Variants in C1orf87 observed in about 807,000 individuals in gnomAD.
C1orf87 encodes the protein uncharacterized protein C1orf87.
In C1orf87, 58 loss-of-function variants were observed where a neutral mutation model predicts 60.5. The ratio of observed to expected loss-of-function variants is 0.96; its 90% CI spans 0.78 to 1.19. C1orf87 has a LOEUF of 1.19. Ranked by LOEUF, C1orf87 falls within the 50% of genes most tolerant of loss-of-function variation. The probability of loss-of-function intolerance (pLI) is 0.00; values close to 1 mark genes in which losing one functional copy is unlikely to be tolerated. For synonymous variants in C1orf87, 236 were observed against 227.4 expected (o/e 1.04, Z -0.34); for missense variants, 673 against 638.6 (o/e 1.05, Z -0.58).
intron 2 of C1orf87, among the ~76,000 whole-genome samples, chr1:60,065,237 C>G (rs1645537650): frequency 6.6e-6 from 1 of 150,654 alleles, no homozygotes; most frequent in African/African-American, 2.4e-5. Flanking sequence ...CAATATTGGG[C>G]AAACTTGAGA....
At chr1:59,991,714 T>C (rs1344012487) in intron 11 of C1orf87, among the ~76,000 whole-genome samples, 1 of 152,172 alleles carries the variant, frequency 6.6e-6, no homozygotes, top group African/African-American at 2.4e-5. Flanking sequence ...GAGGTGGTAA[T>C]GTGTATGACT....
At chr1:59,994,166 C>A (rs2100231731) in intron 11 of C1orf87, among the ~76,000 whole-genome samples, 1 of 152,044 alleles carries the variant, frequency 6.6e-6, no homozygotes, top group Non-Finnish European at 1.5e-5. Context: ...TTATTATTAT[C>A]AGTTTTACTT....
At chr1:60,010,655 C>G (rs529305237) in intron 8 of C1orf87, among the ~76,000 whole-genome samples, 199 bp from the exon 9 acceptor site, 2 of 151,856 alleles carry the variant, frequency 1.3e-5, no homozygotes, top group Non-Finnish European at 2.9e-5. Flanking sequence ...TATTGCAAAG[C>G]CATTAGAACA....
In C1orf87 at chr1:60,063,349, T is replaced by G. The variant is rs572069946; in HGVS notation, c.108-7911A>C. Among the ~76,000 whole-genome samples the G allele has an allele frequency of 1.3e-4, 20 of 152,316 alleles. No homozygotes were observed. The South Asian group carries it at 3.7e-3, about 28-fold the overall frequency. On this transcript the variant is annotated intron_variant, in intron 2 of 11. Coordinates refer to ENST00000371201, the MANE Select transcript of C1orf87 (RefSeq NM_152377.3). ...TTGTTCAGTGCTTCCATCTCCTGCC[T>G]GGATTATCATAATAACTCTCCAAAT...
chr1:60,017,649 A>C (rs1370721908), intron 8 of C1orf87, among the ~76,000 whole-genome samples: 1 of 152,230 alleles, frequency 6.6e-6, no homozygotes, highest in Non-Finnish European at 1.5e-5. Context: ...AGTCACACAG[A>C]AACATTAAAT....
intron 8 of C1orf87, among the ~76,000 whole-genome samples, chr1:60,015,160 G>A (rs1018185723): frequency 6.6e-6 from 1 of 152,144 alleles, no homozygotes; most frequent in African/African-American, 2.4e-5. Flanking sequence ...CATGGTATTA[G>A]GAGCTATGGT....
At chr1:60,032,463 A>C (rs1410261990) in intron 7 of C1orf87, among the ~76,000 whole-genome samples, 4 of 106,520 alleles carry the variant, frequency 3.8e-5, no homozygotes, top group East Asian at 5.8e-4. Context: ...TTTGAGACTG[A>C]GTCTCGCTCT....
At chr1:60,060,062 A>G (rs1297429501) in intron 2 of C1orf87, among the ~76,000 whole-genome samples, 2 of 151,492 alleles carry the variant, frequency 1.3e-5, no homozygotes, top group Admixed American at 1.3e-4. Flanking sequence ...CTATTGTGTC[A>G]AAGTATGAAG....
chr1:60,054,575 C>T (rs1645439367), intron 3 of C1orf87, among the ~76,000 whole-genome samples: 1 of 152,168 alleles, frequency 6.6e-6, no homozygotes, highest in Non-Finnish European at 1.5e-5. Flanking sequence ...ATTGCAATTT[C>T]AGCAATTTTG....
chr1:60,018,338 T>C (rs370223132), intron 8 of C1orf87, among the ~76,000 whole-genome samples: 14 of 152,344 alleles, frequency 9.2e-5, no homozygotes, highest in African/African-American at 3.1e-4. Flanking sequence ...GGTTGTGATA[T>C]CCTTGAACAT....
rs1233496310 is a variant in C1orf87, at chr1:60,023,383, A to AT, written c.1127+2017dup. 4.0e-5 allele frequency among the ~76,000 whole-genome samples: 6 copies of AT among 151,578 alleles called. No homozygotes were observed. In the East Asian group the frequency reaches 9.7e-4, roughly 25 times the overall value. On this transcript the variant is annotated intron_variant, in intron 8 of 11. Coordinates refer to ENST00000371201, the MANE Select transcript of C1orf87 (RefSeq NM_152377.3). ...GTGATGCTCTGTTAGTTTTTCCTTC[A>AT]TTTTTTCACACTGAGTTTTATTTTA... is the stretch of plus-strand genomic sequence containing the variant.
At chr1:60,001,669 T>C (rs1045067392) in intron 9 of C1orf87, among the ~76,000 whole-genome samples, 1 of 152,012 alleles carries the variant, frequency 6.6e-6, no homozygotes, top group African/African-American at 2.4e-5. Context: ...CTTTTGTAAC[T>C]TAGGGAGTTG....
intron 7 of C1orf87, among the ~76,000 whole-genome samples, chr1:60,028,150 G>A (rs913067565): frequency 6.6e-6 from 1 of 152,186 alleles, no homozygotes; most frequent in Non-Finnish European, 1.5e-5. Context: ...AAGAGTCAGA[G>A]ATTGGTCACA....
intron 3 of C1orf87, among the ~76,000 whole-genome samples, chr1:60,048,855 T>C (rs893494896): frequency 1.3e-5 from 2 of 151,990 alleles, no homozygotes; most frequent in Non-Finnish European, 2.9e-5. Context: ...ATTAATAATG[T>C]ATCTTGTTAT....
intron 6 of C1orf87, among the ~76,000 whole-genome samples, chr1:60,035,366 C>G (rs898953042): frequency 6.6e-6 from 1 of 152,224 alleles, no homozygotes; most frequent in African/African-American, 2.4e-5. Context: ...TTTACTGCAG[C>G]TGGTAGGGCT....
chr1:60,018,407 A>G (rs1249263777), intron 8 of C1orf87, among the ~76,000 whole-genome samples: 3 of 152,216 alleles, frequency 2.0e-5, no homozygotes, highest in Non-Finnish European at 2.9e-5. Context: ...CTGCACAAAA[A>G]CAGTGAGAAA....
intron 6 of C1orf87, among the ~76,000 whole-genome samples, chr1:60,036,672 A>G (rs1645279436): frequency 6.6e-6 from 1 of 152,326 alleles, no homozygotes; most frequent in Admixed American, 6.5e-5. Flanking sequence ...GGCAAAGACA[A>G]TAGTTGAGGC....
chr1:60,035,691 T>G (rs1645270937), intron 6 of C1orf87, among the ~76,000 whole-genome samples: 1 of 152,240 alleles, frequency 6.6e-6, no homozygotes, highest in South Asian at 2.1e-4. Flanking sequence ...GAACAGATAT[T>G]CATGTATCCC....
At chr1:60,016,215 T>C (rs1468059858) in intron 8 of C1orf87, among the ~76,000 whole-genome samples, 1 of 152,230 alleles carries the variant, frequency 6.6e-6, no homozygotes, top group Non-Finnish European at 1.5e-5. Flanking sequence ...GTAATGTCTC[T>C]AAACCTTAGT....
Sources: gnomAD v4.1 joint callset for allele counts (sites outside exome capture counted in the v4.1 genomes callset) on GRCh38, gnomAD v4.1.1 for gene constraint, MANE v1.5 for transcripts, NCBI Gene and HGNC (gene_info 2026-07-23, HGNC 2026-07-21) for gene names.